Variants in TULP1 observed in about 807,000 individuals in gnomAD.
TULP1 encodes tubby-related protein 1.
In TULP1, 50 loss-of-function variants were observed where a neutral mutation model predicts 67.1. The observed-to-expected ratio is 0.75, with a 90% confidence interval of 0.59 to 0.94. The LOEUF (loss-of-function observed/expected upper bound fraction) is 0.94. Ranked by LOEUF, TULP1 falls within the 40% of genes least tolerant of loss-of-function variation. The probability of loss-of-function intolerance (pLI) is 0.00; values close to 1 mark genes in which losing one functional copy is unlikely to be tolerated. For missense variants in TULP1, 746 were observed against 734.1 expected (o/e 1.02, Z -0.19); for synonymous variants, 297 against 294.0 (o/e 1.01, Z -0.11).
rs1462545590 is a variant in TULP1 at position 35,503,393 on chromosome 6, T to A, written c.1323+166A>T. 2.9e-6 allele frequency: 2 copies of A among 688,936 alleles called. No homozygotes were observed. The highest frequency in any genetic ancestry group is 1.8e-5 in the African/African-American group (1 of 55,562). The allele number at this position is 688,936 out of a possible 1,614,324, so 42.7% of individuals were successfully genotyped here. ...CAACCAAAAAGCCCATTGTGGTTTT[T>A]CAGTGAATTCAATTACAAAAAGCCC... is the stretch of plus-strand genomic sequence containing the variant. On this transcript the variant is annotated intron_variant, in intron 13 of 14. Coordinates refer to ENST00000229771, the MANE Select transcript of TULP1 (RefSeq NM_003322.6). The surrounding 1 kb of genome is among the most constrained non-coding windows in gnomAD (Gnocchi z 4.0).
At chr6:35,512,319 G>C in intron 2 of TULP1, 49 bp from the exon 3 acceptor site, 1 of 957,054 alleles carries the variant, frequency 1.0e-6, no homozygotes, top group Non-Finnish European at 1.5e-6. Flanking sequence ...GGGGGGCGCT[G>C]AGGCCCGCCC....
rs769799170 is a variant in TULP1 at position 35,506,020 on chromosome 6, G to C, written c.982C>G (p.Leu328Val). ...RGMYPSYFLHLDTEKKVFLLA... is the reference protein window; with the variant it reads ...RGMYPSYFLHVDTEKKVFLLA... ...CCACCCACCTTCTTCTCCGTGTCCA[G>C]GTGCAGGAAGTAGGAGGGATACATG... Residue 328 changes from leucine to valine, a missense_variant, in exon 10 of 15, where the codon CTG (leucine) becomes GTG (valine). Leu to Val is a conservative substitution (Grantham distance 32). This residue lies in a region of TULP1 where 383 missense variants were observed against 374.1 expected (regional missense o/e 1.02). Transcript: ENST00000229771. 1 of 1,614,048 alleles carries C rather than the reference G, an allele frequency of 6.2e-7. No individual in the cohort carries two copies. The highest frequency in any genetic ancestry group is 8.5e-7 in the Non-Finnish European group (1 of 1,180,036).
chr6:35,512,680 C>T lies in TULP1; in HGVS notation c.58G>A (p.Glu20Lys), dbSNP rs760988046. The T allele has an allele frequency of 1.2e-6, 2 of 1,614,066 alleles. No individual in the cohort carries two copies. Among genetic ancestry groups the T allele is most frequent in the South Asian group, 2.2e-5 (2 of 91,082 alleles). The stretch of plus-strand genomic sequence containing the variant: ...GGGGCCTCCGGGCTCAGGCTTTCTT[C>T]TTCATGCCCACTGAGGGTAGCAAAG... ...EVWASDSGHE[E>K]ESLSPEAPRR... The change falls in exon 2 of 15, where the codon GAA (glutamate) becomes AAA (lysine). Residue 20 changes from glutamate (E) to lysine (K), a missense_variant. Coordinates refer to ENST00000229771, the MANE Select transcript of TULP1 (RefSeq NM_003322.6).
At chr6:35,505,126 G>A (rs59736270) in intron 11 of TULP1, among the ~76,000 whole-genome samples, 9,556 of 151,836 alleles carry the variant, frequency 0.063, 526 homozygotes, top group African/African-American at 0.14. Flanking sequence ...TAATAGAGAC[G>A]GGGTTTCACC....
At chr6:35,507,327 G>A (rs1761106932) in intron 8 of TULP1, among the ~76,000 whole-genome samples, 2 of 151,752 alleles carry the variant, frequency 1.3e-5, no homozygotes, top group South Asian at 4.2e-4. Flanking sequence ...TTCATTTCCA[G>A]TGAAGCCTTC....
At chr6:35,510,147 G>C (rs1319417428) in intron 5 of TULP1, among the ~76,000 whole-genome samples, 1 of 151,990 alleles carries the variant, frequency 6.6e-6, no homozygotes, top group Non-Finnish European at 1.5e-5. Flanking sequence ...TCCACCTCCA[G>C]GGTTCAAGTG....
At position 35,503,173 on chromosome 6, in the gene TULP1, C is replaced by T. The variant is rs986919649; in HGVS notation, c.1323+386G>A. Among the ~76,000 whole-genome samples, 3 of 151,560 alleles carry T rather than the reference C, an allele frequency of 2.0e-5. No homozygotes were observed. The highest frequency in any genetic ancestry group is 4.2e-4 in the South Asian group (2 of 4,788). The stretch of plus-strand genomic sequence containing the variant: ...CAGGATAGTCTCGATCTCCTGACCT[C>T]GTGATCCGCCCATCTCGGCCTCCCA... On this transcript the variant is annotated intron_variant, in intron 13 of 14. Transcript: ENST00000229771. The surrounding 1 kb of genome is among the most constrained non-coding windows in gnomAD (Gnocchi z 4.0).
At position 35,509,314 on chromosome 6, in the gene TULP1, T is replaced by C. The variant is rs1251258127; in HGVS notation, c.719-2A>G. 1 of 1,613,944 alleles carries C rather than the reference T, an allele frequency of 6.2e-7. No individual in the cohort carries two copies. Among genetic ancestry groups the C allele is most frequent in the South Asian group, 1.1e-5 (1 of 91,078 alleles). On this transcript the variant is annotated splice_acceptor_variant, in intron 7 of 14. Coordinates refer to ENST00000229771, the MANE Select transcript of TULP1 (RefSeq NM_003322.6). LOFTEE classifies it high-confidence loss of function. ...CCTTCCTCGCGCCTTTGGGAGTGCC[T>C]GAGCGTGGAGGGGGAAACAAGGCTG...
At chr6:35,504,891 A>T (rs1422248897) in intron 11 of TULP1, among the ~76,000 whole-genome samples, 1 of 151,636 alleles carries the variant, frequency 6.6e-6, no homozygotes, top group Non-Finnish European at 1.5e-5. Flanking sequence ...ATCACACCTG[A>T]CACATAAATA....
chr6:35,500,193 G>A (rs76757665), intron 13 of TULP1, 41 bp from the exon 14 acceptor site: 1 of 1,605,240 alleles, frequency 6.2e-7, no homozygotes, highest in Non-Finnish European at 8.5e-7. Context: ...AGGACAGTTA[G>A]AGATGGCTGA....
At position 35,506,002 on chromosome 6, in the gene TULP1, CCTT is replaced by C. The variant is rs1761074963; in HGVS notation, c.997_999del (p.Lys333del). ...CTCCTCTGCTGCCTCTCCCCACCCA[CCTT>C]CTTCTCCGTGTCCAGGTGCAGGAAG... On this transcript the variant is annotated inframe_deletion and splice_region_variant, in exon 10 of 15. Coordinates refer to ENST00000229771, the MANE Select transcript of TULP1 (RefSeq NM_003322.6). 4 of 1,614,152 alleles carry C rather than the reference CCTT, an allele frequency of 2.5e-6. No individual in the cohort carries two copies. Among genetic ancestry groups the C allele is most frequent in the Non-Finnish European group, 3.4e-6 (4 of 1,180,044 alleles).
intron 2 of TULP1, 38 bp from the exon 3 acceptor site, chr6:35,512,308 AG>A: frequency 9.1e-7 from 1 of 1,097,174 alleles, no homozygotes. Context: ...GAGGAAGGAA[AG>A]GGGGGCGCTG....
At chr6:35,510,175 G>C (rs1305706264) in intron 5 of TULP1, among the ~76,000 whole-genome samples, 1 of 151,858 alleles carries the variant, frequency 6.6e-6, no homozygotes, top group African/African-American at 2.4e-5. Flanking sequence ...TGCCTCAGCC[G>C]CCCAAGTAGC....
At chr6:35,511,509 G>A in intron 4 of TULP1, 139 bp downstream of exon 4, 1 of 1,327,982 alleles carries the variant, frequency 7.5e-7, no homozygotes, top group South Asian at 1.3e-5. Context: ...ACAATACCTG[G>A]CTCAAAGATA....
Position 35,498,273 on chromosome 6 carries a change from T to C in TULP1, c.*54A>G. 1 of 1,603,398 alleles carries C rather than the reference T, an allele frequency of 6.2e-7. No homozygotes were observed. On this transcript the variant is annotated 3_prime_UTR_variant, in exon 15 of 15. Transcript: ENST00000229771. The surrounding 1 kb of genome is among the most constrained non-coding windows in gnomAD (Gnocchi z 6.7). ...CTGGAGGGACCCTGCCAGCCTCCAC[T>C]GAATCCTTTCCCCCACGCTGACGGG... is the stretch of plus-strand genomic sequence containing the variant.
rs764362150 is a variant in TULP1 at position 35,503,812 on chromosome 6, G to T, written c.1149C>A (p.Asp383Glu). ...ACCCACGCTGTGGGTTCTGCCCGTT[G>T]TCAAAGACCGTGAAGCGGTTCCCCA... ...NLLGNRFTVF[D>E]NGQNPQRGYS... is the part of the protein sequence containing the mutation. Residue 383 changes from aspartate to glutamate, a missense_variant, in exon 12 of 15, where the codon GAC (aspartate) becomes GAA (glutamate). Coordinates refer to ENST00000229771, the MANE Select transcript of TULP1 (RefSeq NM_003322.6). The surrounding 1 kb of genome is among the most constrained non-coding windows in gnomAD (Gnocchi z 4.0). 11 of 1,612,642 alleles carry T rather than the reference G, an allele frequency of 6.8e-6. No individual in the cohort carries two copies. Among genetic ancestry groups the T allele is most frequent in the Admixed American group, 1.7e-5 (1 of 59,946 alleles).
At position 35,510,983 on chromosome 6, in the gene TULP1, T is replaced by G. The variant is rs1462660856; in HGVS notation, c.377A>C (p.Glu126Ala). 6.2e-7 allele frequency: 1 copy of G among 1,600,892 alleles called. No individual in the cohort carries two copies. Among genetic ancestry groups the G allele is most frequent in the Admixed American group, 1.7e-5 (1 of 59,520 alleles). Residue 126 changes from glutamate to alanine, a missense_variant, in exon 5 of 15, where the codon GAG (glutamate) becomes GCG (alanine). This residue lies in a region of TULP1 where 359 missense variants were observed against 341.9 expected (regional missense o/e 1.05). Coordinates refer to ENST00000229771, the MANE Select transcript of TULP1 (RefSeq NM_003322.6). The part of the protein sequence containing the change: ...DEEEEEEEDE[E>A]DEEEEAEEKK... ...TTCCTCTGCCTCCTCTTCCTCGTCCTCCTCGTCCTCCTCTTCCTCCTCCTC... is the reference window on the plus strand; with the variant it reads ...TTCCTCTGCCTCCTCTTCCTCGTCCGCCTCGTCCTCCTCTTCCTCCTCCTC...
At chr6:35,509,339 G>A (rs1391713727) in intron 7 of TULP1, 27 bp from the exon 8 acceptor site, 1 of 1,606,088 alleles carries the variant, frequency 6.2e-7, no homozygotes, top group Non-Finnish European at 8.5e-7. Flanking sequence ...AAACAAGGCT[G>A]TGAACTCCTC....
Position 35,498,240 on chromosome 6 carries a change from G to C in TULP1, c.*87C>G, listed in dbSNP as rs994539776. ...CCGACACAGGAGCAGTTTTCCGCGG[G>C]AGCTTTGCTGGAGGGACCCTGCCAG... On this transcript the variant is annotated 3_prime_UTR_variant, in exon 15 of 15. Coordinates refer to ENST00000229771, the MANE Select transcript of TULP1 (RefSeq NM_003322.6). The surrounding 1 kb of genome is among the most constrained non-coding windows in gnomAD (Gnocchi z 6.7). 4 of 1,551,918 alleles carry C rather than the reference G, an allele frequency of 2.6e-6. No homozygotes were observed. The highest frequency in any genetic ancestry group is 3.5e-6 in the Non-Finnish European group (4 of 1,153,192).
Sources: allele counts gnomAD v4.1 joint callset (sites outside exome capture counted in the v4.1 genomes callset), GRCh38; gene constraint gnomAD v4.1.1; regional missense constraint gnomAD v4.1.1; non-coding constraint Gnocchi (gnomAD v3.1); transcripts MANE v1.5; gene names NCBI Gene and HGNC (gene_info 2026-07-23, HGNC 2026-07-21).